EEA1: variants seen among roughly 807,000 people sequenced by gnomAD.
EEA1 encodes early endosome antigen 1, also known as early endosome antigen 1, 162kD.
Under a neutral mutation model 209.2 loss-of-function variants are expected in EEA1, and 111 were observed. The ratio of observed to expected loss-of-function variants is 0.53; its 90% confidence interval spans 0.45 to 0.62. The LOEUF is 0.62. EEA1 is among the 20% of genes least tolerant of loss of function. The pLI, the probability that EEA1 is intolerant of heterozygous loss-of-function variation, is 0.00. For missense variants in EEA1, 1,343 were observed against 1,530.8 expected (o/e 0.88, Z 2.05); for synonymous variants, 536 against 540.6 (o/e 0.99, Z 0.12).
intron 22 of EEA1, among the ~76,000 whole-genome samples, chr12:92,785,743 G>A (rs1874103988): frequency 6.6e-6 from 1 of 152,116 alleles, no homozygotes; most frequent in Admixed American, 6.6e-5. Context: ...CTCTGCAAAA[G>A]GAAGCACTGG....
chr12:92,831,146 T>C (rs1396469545), intron 11 of EEA1, among the ~76,000 whole-genome samples: 7 of 152,082 alleles, frequency 4.6e-5, no homozygotes, highest in Non-Finnish European at 7.4e-5. Flanking sequence ...TACTAAAGGA[T>C]AGAAAGCCAT....
At chr12:92,804,275 T>C (rs1875075657) in intron 18 of EEA1, among the ~76,000 whole-genome samples, 1 of 152,014 alleles carries the variant, frequency 6.6e-6, no homozygotes, top group African/African-American at 2.4e-5. Flanking sequence ...CACAATAAAA[T>C]TAAATTAGAA....
At chr12:92,821,326 A>T (rs542503838) in intron 13 of EEA1, among the ~76,000 whole-genome samples, 1 of 152,286 alleles carries the variant, frequency 6.6e-6, no homozygotes, top group East Asian at 1.9e-4. Flanking sequence ...CTGTTATTCA[A>T]TGTCAGAGAC....
At chr12:92,800,561 C>A (rs1874861494) in intron 20 of EEA1, among the ~76,000 whole-genome samples, 1 of 152,036 alleles carries the variant, frequency 6.6e-6, no homozygotes, top group South Asian at 2.1e-4. Flanking sequence ...TATTTTTATG[C>A]AAAACAGGAG....
intron 22 of EEA1, among the ~76,000 whole-genome samples, chr12:92,785,254 T>G (rs1356500705): frequency 1.3e-5 from 2 of 152,080 alleles, no homozygotes; most frequent in African/African-American, 4.8e-5. Context: ...GTCAACAAAC[T>G]TAAGTACTTC....
At chr12:92,885,680 T>C (rs550032397) in intron 2 of EEA1, among the ~76,000 whole-genome samples, 139 of 152,200 alleles carry the variant, frequency 9.1e-4, no homozygotes, top group African/African-American at 3.2e-3. Flanking sequence ...ATCCACTAAG[T>C]GGAAGTGGAT....
chr12:92,818,882 A>T (rs1875918734), intron 14 of EEA1, among the ~76,000 whole-genome samples: 2 of 152,212 alleles, frequency 1.3e-5, no homozygotes. Flanking sequence ...AAAATATGTT[A>T]CTGTTAAGTC....
At position 92,852,268 on chromosome 12, in the gene EEA1, C is replaced by A; in HGVS notation, c.549G>T (p.Arg183Ser). Residue 183 changes from arginine to serine, a missense_variant, in exon 8 of 29, where the codon AGG becomes AGT. Coordinates refer to ENST00000322349, the MANE Select transcript of EEA1 (RefSeq NM_003566.4). ...TTTGTTCAGCAGCTTCTCGAAGACT[C>A]CTTTCTTCATCATACTTTGACTTTA... The part of the protein sequence containing the change: ...ADIKSKYDEE[R>S]SLREAAEQKV... 4 of 1,595,018 alleles carry A rather than the reference C, an allele frequency of 2.5e-6. No individual in the cohort carries two copies. Among genetic ancestry groups the A allele is most frequent in the Non-Finnish European group, 3.4e-6 (4 of 1,171,202 alleles).
chr12:92,873,508 C>T (rs1329961092), intron 2 of EEA1, among the ~76,000 whole-genome samples: 1 of 152,112 alleles, frequency 6.6e-6, no homozygotes, highest in Non-Finnish European at 1.5e-5. Context: ...AATTAAGTAG[C>T]AAGAAAAGAG....
chr12:92,778,087 G>A lies in EEA1; in HGVS notation c.3747C>T (p.Asn1249=), dbSNP rs868323627. Residue 1249 remains asparagine, a synonymous_variant, in exon 26 of 29, where the codon AAC becomes AAT. Transcript: ENST00000322349. ...GCCACTCCTTCTTCACAGTGCCTAA[G>A]TTTTCATTTAATGCTGTAATCTGCA... The part of the protein sequence containing the change: ...LTMQITALNE[N]LGTVKKEWQS... 5.0e-6 allele frequency: 8 copies of A among 1,613,348 alleles called. No individual in the cohort carries two copies. In the Middle Eastern group the frequency reaches 1.2e-3, roughly 233 times the overall value.
intron 1 of EEA1, among the ~76,000 whole-genome samples, chr12:92,903,395 T>C (rs1316669720): frequency 1.3e-5 from 2 of 151,410 alleles, no homozygotes; most frequent in Non-Finnish European, 3.0e-5. Context: ...GTCGGGAGTT[T>C]GAGACCAGCC....
At chr12:92,909,921 T>A (rs1880515030) in intron 1 of EEA1, among the ~76,000 whole-genome samples, 1 of 152,026 alleles carries the variant, frequency 6.6e-6, no homozygotes, top group African/African-American at 2.4e-5. Flanking sequence ...GAAGGGTAGA[T>A]CACCGGAGGT....
In EEA1 at chr12:92,834,578, A is replaced by G. The variant is rs544652160; in HGVS notation, c.916-1728T>C. On this transcript the variant is annotated intron_variant, in intron 10 of 28. Transcript: ENST00000322349. ...AAAAAAAAAAAAAAAAAGAGTACTT[A>G]TAAGAGAGGATGACAGACAGACTTA... is the stretch of plus-strand genomic sequence containing the variant. Among the ~76,000 whole-genome samples the G allele has an allele frequency of 2.3e-4, 33 of 142,732 alleles. No homozygotes were observed. The South Asian group carries it at 7.3e-3, about 32-fold the overall frequency. 93.6% of individuals were successfully genotyped at this position (142,732 alleles called of 152,430 possible).
At chr12:92,858,700 T>A in intron 3 of EEA1, 1 of 738,428 alleles carries the variant, frequency 1.4e-6, no homozygotes, top group East Asian at 2.7e-5. Flanking sequence ...AATTGTTATA[T>A]CTGTTTGGCA....
chr12:92,841,686 C>T, intron 10 of EEA1, among the ~76,000 whole-genome samples: 1 of 152,144 alleles, frequency 6.6e-6, no homozygotes, highest in East Asian at 1.9e-4. Context: ...TACCACCACC[C>T]TATACCCATT....
intron 21 of EEA1, among the ~76,000 whole-genome samples, chr12:92,796,671 T>A (rs906918355): frequency 5.3e-5 from 8 of 152,350 alleles, no homozygotes; most frequent in Non-Finnish European, 1.0e-4. Context: ...TTAAACATTA[T>A]CCTTGTTTTC....
At chr12:92,868,662 T>A (rs935695966) in intron 2 of EEA1, among the ~76,000 whole-genome samples, 1 of 152,264 alleles carries the variant, frequency 6.6e-6, no homozygotes, top group Non-Finnish European at 1.5e-5. Context: ...TACATTTCAT[T>A]ATAGAAATAT....
In EEA1 at chr12:92,826,241, T is replaced by C. The variant is rs563741277; in HGVS notation, c.1449A>G (p.Leu483=). The change falls in exon 13 of 29, where the codon TTA becomes TTG. Residue 483 remains leucine, a synonymous_variant. Coordinates refer to ENST00000322349, the MANE Select transcript of EEA1 (RefSeq NM_003566.4). ...CTTGATGCTGTTGCTTTGTTTTATCTAATTGATGCTGCAATTCTGTAGAAT... is the reference window on the plus strand; with the variant it reads ...CTTGATGCTGTTGCTTTGTTTTATCCAATTGATGCTGCAATTCTGTAGAAT... ...VTNSTELQHQ[L]DKTKQQHQEQ... is the part of the protein sequence containing the mutation. 5.0e-6 allele frequency: 8 copies of C among 1,613,454 alleles called. No individual in the cohort carries two copies. The African/African-American group carries it at 9.3e-5, about 19-fold the overall frequency.
intron 3 of EEA1, among the ~76,000 whole-genome samples, chr12:92,860,759 C>T (rs1209055065): frequency 6.6e-6 from 1 of 151,978 alleles, no homozygotes; most frequent in Non-Finnish European, 1.5e-5. Flanking sequence ...CATGCTTATT[C>T]CATGACTGCT....
Sources: gnomAD v4.1 joint callset for allele counts (sites outside exome capture counted in the v4.1 genomes callset) on GRCh38, gnomAD v4.1.1 for gene constraint, MANE v1.5 for transcripts, NCBI Gene and HGNC (gene_info 2026-07-23, HGNC 2026-07-21) for gene names.